Variants in RAB36 observed in about 807,000 individuals in gnomAD.
The protein encoded by RAB36 is ras-related protein Rab-36.
RAB36 carries 33 observed loss-of-function variants against 39.3 expected under a neutral mutation model. The ratio of observed to expected loss-of-function variants is 0.84; its 90% CI spans 0.64 to 1.12. The LOEUF is 1.12. Among genes scored for constraint, RAB36 ranks in the 50% most tolerant of loss-of-function variants. The pLI is 0.00. For synonymous variants in RAB36, 133 were observed against 140.2 expected, an observed-to-expected ratio of 0.95 and a Z score of 0.36; for missense variants, 308 against 355.3, an observed-to-expected ratio of 0.87 and a Z score of 1.07.
Position 23,159,718 on chromosome 22 carries a change from C to T in RAB36, c.619+465C>T, listed in dbSNP as rs538931597. Among the ~76,000 whole-genome samples the T allele has an allele frequency of 1.7e-3, 253 of 152,360 alleles. 2 individuals carry two copies. Among genetic ancestry groups the T allele is most frequent in the African/African-American group, 4.5e-3 (187 of 41,590 alleles). Reference sequence around the variant, plus strand: ...TGAAATGCCAGGCATGTGACATCACCTGGCATAGAGAAGGGCCCAGTGACA... The same window carrying T: ...TGAAATGCCAGGCATGTGACATCACTTGGCATAGAGAAGGGCCCAGTGACA... On this transcript the variant is annotated intron_variant, in intron 9 of 10. Transcript: ENST00000263116.
downstream of RAB36, among the ~76,000 whole-genome samples, chr22:23,166,425 C>A (rs570884955): frequency 5.9e-5 from 9 of 152,092 alleles, no homozygotes; most frequent in Admixed American, 1.3e-4. Flanking sequence ...GTCCCAATGT[C>A]TGCTCCTTTT....
At chr22:23,150,042 C>T (rs778775967) in intron 2 of RAB36, 21 bp from the exon 3 acceptor site, 18 of 1,573,136 alleles carry the variant, frequency 1.1e-5, no homozygotes, top group African/African-American at 6.7e-5. Context: ...ATGATGTGTC[C>T]GTCTGTCTGT....
rs1004932 is a variant in RAB36, at chr22:23,158,185, G to T, written c.446+142G>T. The T allele has an allele frequency of 2.3e-5, 34 of 1,496,598 alleles. 2 individuals are homozygous for T. The South Asian group carries it at 4.4e-4, about 20-fold the overall frequency. 92.7% of individuals were successfully genotyped at this position (1,496,598 alleles called of 1,614,324 possible). On this transcript the variant is annotated intron_variant, in intron 7 of 10. Transcript: ENST00000263116. The stretch of plus-strand genomic sequence containing the variant: ...CCCTTGTCAGAACCAGCTGCCCACG[G>T]ACTACTTACTGTCCAACTGCCTTTA...
Position 23,155,967 on chromosome 22 carries a change from G to A in RAB36, c.330-1G>A. ...CCCTTTCTTTCTCACCCACCTCACAGCTGGGACACAGCTGGGCAGGAGAAG... is the reference window on the plus strand; with the variant it reads ...CCCTTTCTTTCTCACCCACCTCACAACTGGGACACAGCTGGGCAGGAGAAG... On this transcript the variant is annotated splice_acceptor_variant, in intron 5 of 10. Coordinates refer to ENST00000263116, the MANE Select transcript of RAB36 (RefSeq NM_004914.5). LOFTEE classifies it high-confidence loss of function. 1.2e-6 allele frequency: 2 copies of A among 1,610,240 alleles called. No homozygotes were observed. The highest frequency in any genetic ancestry group is 1.7e-6 in the Non-Finnish European group (2 of 1,178,246).
At chr22:23,161,095 A>C in intron 10 of RAB36, 97 bp downstream of exon 10, 2 of 1,426,174 alleles carry the variant, frequency 1.4e-6, no homozygotes, top group African/African-American at 1.4e-5. Context: ...CCATTTCCTG[A>C]ACTTGTGGCC....
chr22:23,150,119 C>A lies in RAB36; in HGVS notation c.126C>A (p.Ser42Arg), dbSNP rs373104304. ...QLREHFHGQVSAACQRRNTGT... is the reference protein window; with the variant it reads ...QLREHFHGQVRAACQRRNTGT... ...GGGAGCACTTCCACGGGCAGGTCAGCGCTGCCTGCCAACGCAGGAACACGG... is the reference window on the plus strand; with the variant it reads ...GGGAGCACTTCCACGGGCAGGTCAGAGCTGCCTGCCAACGCAGGAACACGG... Residue 42 changes from serine to arginine, a missense_variant, in exon 3 of 11, where the codon AGC becomes AGA. Coordinates refer to ENST00000263116, the MANE Select transcript of RAB36 (RefSeq NM_004914.5). The A allele has an allele frequency of 6.2e-7, 1 of 1,612,428 alleles. No individual in the cohort carries two copies.
At position 23,164,479 on chromosome 22, in the gene RAB36, CA is replaced by C. The variant is rs1215394186; in HGVS notation, c.*2916del. ...AACGCAAGGGGCTCAGTTGTCCCCC[CA>C]CCCCAAGTTGATGCAGCATCTTCTC... On this transcript the variant is annotated 3_prime_UTR_variant, in exon 11 of 11. Coordinates refer to ENST00000263116, the MANE Select transcript of RAB36 (RefSeq NM_004914.5). 1 of 152,204 alleles carries C rather than the reference CA, an allele frequency of 6.6e-6. No individual in the cohort carries two copies. The highest frequency in any genetic ancestry group is 1.5e-5 in the Non-Finnish European group (1 of 68,054). The allele number at this position is 152,204 out of a possible 1,614,324, so 9.4% of individuals were successfully genotyped here. A position where few individuals can be genotyped will look rare whatever the true frequency, so the allele number is the denominator to read the frequency against.
intron 3 of RAB36, 103 bp from the exon 4 acceptor site, chr22:23,152,358 G>C: frequency 8.4e-7 from 1 of 1,187,080 alleles, no homozygotes. Flanking sequence ...CCAGGAGTGA[G>C]GGGTGTCTCA....
intron 2 of RAB36, among the ~76,000 whole-genome samples, chr22:23,148,823 C>T (rs116491191): frequency 8.9e-4 from 136 of 152,336 alleles, no homozygotes; most frequent in African/African-American, 3.0e-3. Context: ...TAGCTTAAAG[C>T]TGTCATGGAA....
In RAB36 at chr22:23,162,997, T is replaced by G; in HGVS notation, c.*1433T>G. On this transcript the variant is annotated 3_prime_UTR_variant, in exon 11 of 11. Transcript: ENST00000263116. ...CGTAATCTCGGCTCAGTGCAACCTCTGCCTCCCAGGTTGAAGCGATTCTCC... is the reference window on the plus strand; with the variant it reads ...CGTAATCTCGGCTCAGTGCAACCTCGGCCTCCCAGGTTGAAGCGATTCTCC... The G allele has an allele frequency of 3.2e-6, 1 of 308,176 alleles. No individual in the cohort carries two copies. The highest frequency in any genetic ancestry group is 2.8e-5 in the South Asian group (1 of 35,640). 19.1% of individuals were successfully genotyped at this position (308,176 alleles called of 1,614,324 possible).
rs1407239476 is a variant in RAB36, at chr22:23,164,678, A to G, written c.*3114A>G. Among the ~76,000 whole-genome samples, 1 of 152,160 alleles carries G rather than the reference A, an allele frequency of 6.6e-6. No homozygotes were observed. The highest frequency in any genetic ancestry group is 1.5e-5 in the Non-Finnish European group (1 of 68,034). The stretch of plus-strand genomic sequence containing the variant: ...CTGCAGCCAAGGTGCGGCAATGACC[A>G]CAGTGACCGCGTCCAAGTGCTGCCG... On this transcript the variant is annotated 3_prime_UTR_variant, in exon 11 of 11. Coordinates refer to ENST00000263116, the MANE Select transcript of RAB36 (RefSeq NM_004914.5).
At chr22:23,147,148 G>A (rs1220553694) in intron 2 of RAB36, among the ~76,000 whole-genome samples, 2 of 152,078 alleles carry the variant, frequency 1.3e-5, no homozygotes, top group African/African-American at 4.8e-5. Context: ...CAAATCCAGG[G>A]CTCTCTCCTC....
chr22:23,146,005 T>C, intron 1 of RAB36: 4 of 985,384 alleles, frequency 4.1e-6, no homozygotes, highest in Non-Finnish European at 4.8e-6. Context: ...CTGCCTGAGC[T>C]GTGCCATGCC....
downstream of RAB36, among the ~76,000 whole-genome samples, chr22:23,167,706 A>G (rs57983679): frequency 1.0e-4 from 15 of 145,210 alleles, no homozygotes; most frequent in African/African-American, 4.3e-4. Flanking sequence ...TTTTTTAATT[A>G]ATTTATTTTT....
At chr22:23,161,470 G>A (rs368186190) in intron 10 of RAB36, 30 bp from the exon 11 acceptor site, 118 of 1,570,830 alleles carry the variant, frequency 7.5e-5, no homozygotes, top group South Asian at 6.7e-5. Flanking sequence ...ATTCCTGGTT[G>A]ATGCTAAATT....
At chr22:23,159,642 G>A (rs1455842808) in intron 9 of RAB36, among the ~76,000 whole-genome samples, 1 of 152,134 alleles carries the variant, frequency 6.6e-6, no homozygotes, top group African/African-American at 2.4e-5. Flanking sequence ...GCAGGGCCAG[G>A]ATCCAAACAC....
At chr22:23,160,497 G>A (rs899388653) in intron 9 of RAB36, among the ~76,000 whole-genome samples, 6 of 152,230 alleles carry the variant, frequency 3.9e-5, no homozygotes, top group African/African-American at 1.4e-4. Context: ...GACAGGTATG[G>A]AAAGTGACAG....
At chr22:23,166,940 C>T (rs1053681096), downstream of RAB36, among the ~76,000 whole-genome samples, 3 of 152,106 alleles carry the variant, frequency 2.0e-5, no homozygotes, top group Non-Finnish European at 2.9e-5. Flanking sequence ...GTGCCAGCCC[C>T]GTATGCAGTG....
rs1422922516 is a variant in RAB36, at chr22:23,145,563, C to T, written c.-13+12C>T. ...CACAGCCATCGCTGGTGAGTCAGCT[C>T]GCCCACTCTGTCCGACCCTCCCGGT... On this transcript the variant is annotated intron_variant, in intron 1 of 10. Transcript: ENST00000263116. 8.8e-6 allele frequency: 14 copies of T among 1,596,388 alleles called. No homozygotes were observed. The highest frequency in any genetic ancestry group is 2.3e-4 in the Middle Eastern group (1 of 4,432).
Sources: allele counts gnomAD v4.1 joint callset (sites outside exome capture counted in the v4.1 genomes callset), GRCh38; gene constraint gnomAD v4.1.1; transcripts MANE v1.5; gene names NCBI Gene and HGNC (gene_info 2026-07-23, HGNC 2026-07-21).